FUT9: variants seen among roughly 807,000 people sequenced by gnomAD.
FUT9 encodes the protein 4-galactosyl-N-acetylglucosaminide 3-alpha-L-fucosyltransferase 9.
A neutral mutation model predicts 29.7 loss-of-function variants in FUT9; 15 were observed. The observed-to-expected ratio is 0.51, with a 90% CI of 0.34 to 0.78. The LOEUF (loss-of-function observed/expected upper bound fraction) is 0.78, where lower values mean the gene tolerates loss of function less well. FUT9 is among the 30% of genes least tolerant of loss of function. The pLI is 0.01. For missense variants in FUT9, 319 were observed against 425.4 expected (o/e 0.75, Z 2.20); for synonymous variants, 169 against 153.7 (o/e 1.10, Z -0.74).
chr6:96,078,197 A>G (rs1232728432), intron 1 of FUT9, among the ~76,000 whole-genome samples: 1 of 151,814 alleles, frequency 6.6e-6, no homozygotes, highest in Non-Finnish European at 1.5e-5. Flanking sequence ...AGATTTCCTC[A>G]ACTGTGTTTT....
In FUT9 at chr6:96,207,220, C is replaced by G. The variant is rs76422396; in HGVS notation, c.*2985C>G. 61,038 of 165,710 alleles carry G rather than the reference C, an allele frequency of 0.37. 12,146 individuals carry two copies. The highest frequency in any genetic ancestry group is 0.57 in the South Asian group (2,771 of 4,820). The allele number at this position is 165,710 out of a possible 1,614,324, so 10.3% of individuals were successfully genotyped here. A position where few individuals can be genotyped will look rare whatever the true frequency, so the allele number is the denominator to read the frequency against. ...GAGATATTTATTCAAGACACACATTCACACACACATACACACACACACACA... is the reference window on the plus strand; with the variant it reads ...GAGATATTTATTCAAGACACACATTGACACACACATACACACACACACACA... On this transcript the variant is annotated 3_prime_UTR_variant, in exon 3 of 3. Transcript: ENST00000302103.
rs1287809405 is a variant in FUT9 at position 96,204,218 on chromosome 6, A to G, written c.1063A>G (p.Lys355Glu). 2.1e-6 allele frequency: 3 copies of G among 1,442,806 alleles called. No individual in the cohort carries two copies. The highest frequency in any genetic ancestry group is 2.6e-5 in the Admixed American group (1 of 39,002). 89.4% of individuals were successfully genotyped at this position (1,442,806 alleles called of 1,614,324 possible). Residue 355 changes from lysine to glutamate, a missense_variant, in exon 3 of 3, where the codon AAA (lysine) becomes GAA (glutamate). Transcript: ENST00000302103. Reference protein sequence around the residue: ...QEYKSVGNLEKWFWN With the variant: ...QEYKSVGNLEEWFWN ...ATATAAGTCTGTTGGTAATTTAGAG[A>G]AATGGTTTTGGAATTAAAATTTTTC... is the stretch of plus-strand genomic sequence containing the variant.
chr6:96,174,592 G>T (rs995782268), intron 2 of FUT9, among the ~76,000 whole-genome samples: 2 of 151,976 alleles, frequency 1.3e-5, no homozygotes, highest in Admixed American at 1.3e-4. Flanking sequence ...ATAGACACAG[G>T]GGTCTCTAAA....
intron 1 of FUT9, among the ~76,000 whole-genome samples, chr6:96,051,986 G>T (rs962742825): frequency 1.3e-5 from 2 of 152,074 alleles, no homozygotes; most frequent in African/African-American, 4.8e-5. Context: ...AAGCTGCTAT[G>T]AAGAAATACC....
intron 1 of FUT9, among the ~76,000 whole-genome samples, chr6:96,105,997 C>G (rs1257542120): frequency 6.6e-6 from 1 of 152,140 alleles, no homozygotes; most frequent in Non-Finnish European, 1.5e-5. Context: ...CATTAGTGAT[C>G]TCTAGACTTT....
chr6:96,110,407 G>A (rs1272770286), intron 1 of FUT9, among the ~76,000 whole-genome samples: 1 of 152,080 alleles, frequency 6.6e-6, no homozygotes, highest in East Asian at 1.9e-4. Flanking sequence ...CATGCCACAG[G>A]GCCTCCTTGA....
intron 2 of FUT9, among the ~76,000 whole-genome samples, chr6:96,124,639 T>A (rs1042562344): frequency 1.8e-4 from 27 of 152,206 alleles, no homozygotes; most frequent in Middle Eastern, 6.8e-3. Flanking sequence ...AGTTCTAAAT[T>A]TTTTTCTGAC....
intron 2 of FUT9, among the ~76,000 whole-genome samples, chr6:96,121,595 A>G (rs1242332731): frequency 1.3e-5 from 2 of 152,184 alleles, no homozygotes; most frequent in East Asian, 3.9e-4. Flanking sequence ...TATAAAGTCA[A>G]TTATCGCTCT....
chr6:96,062,217 T>C (rs1016499169), intron 1 of FUT9, among the ~76,000 whole-genome samples: 7 of 151,678 alleles, frequency 4.6e-5, no homozygotes, highest in Admixed American at 1.3e-4. Flanking sequence ...AATCTGAAAA[T>C]ATATATAAAA....
intron 2 of FUT9, among the ~76,000 whole-genome samples, chr6:96,171,736 T>C (rs1306584058): frequency 1.3e-5 from 2 of 152,160 alleles, no homozygotes; most frequent in Admixed American, 6.6e-5. Context: ...AGCAAAACTT[T>C]GAATCCTTCT....
intron 2 of FUT9, among the ~76,000 whole-genome samples, chr6:96,114,589 A>G (rs1275255909): frequency 6.6e-6 from 1 of 151,220 alleles, no homozygotes. Context: ...CCAATAAATC[A>G]TTCTTACATA....
At chr6:96,189,342 T>G (rs984871982) in intron 2 of FUT9, among the ~76,000 whole-genome samples, 1 of 140,274 alleles carries the variant, frequency 7.1e-6, no homozygotes, top group African/African-American at 2.6e-5. Context: ...CAGGGCTCCT[T>G]AAGCTACATG....
intron 1 of FUT9, among the ~76,000 whole-genome samples, chr6:96,023,505 C>T (rs1361915626): frequency 6.6e-6 from 1 of 151,772 alleles, no homozygotes; most frequent in Non-Finnish European, 1.5e-5. Flanking sequence ...TGTTGGTACC[C>T]CTGGGAGTAA....
At chr6:96,021,460 T>G (rs1434852053) in intron 1 of FUT9, among the ~76,000 whole-genome samples, 1 of 152,008 alleles carries the variant, frequency 6.6e-6, no homozygotes, top group African/African-American at 2.4e-5. Flanking sequence ...TTTAAGAAAC[T>G]TAAATCTTCA....
chr6:96,056,923 C>T (rs1340640506), intron 1 of FUT9, among the ~76,000 whole-genome samples: 1 of 152,128 alleles, frequency 6.6e-6, no homozygotes, highest in Non-Finnish European at 1.5e-5. Flanking sequence ...AGAAACCGTA[C>T]TGCAAGTACC....
chr6:96,017,133 A>C (rs1769994695), intron 1 of FUT9, among the ~76,000 whole-genome samples: 1 of 152,210 alleles, frequency 6.6e-6, no homozygotes, highest in African/African-American at 2.4e-5. Flanking sequence ...CTTGAGGATA[A>C]GAAGCTTTTT....
At chr6:96,129,282 AAAAAAAAAAAC>A (rs1488222019) in intron 2 of FUT9, among the ~76,000 whole-genome samples, 2,855 of 116,028 alleles carry the variant, frequency 0.025, 216 homozygotes, top group Non-Finnish European at 0.031. Context: ...AAAAAAAAAA[AAAAAAAAAAAC>A]AAACAACCAG....
intron 2 of FUT9, among the ~76,000 whole-genome samples, chr6:96,133,398 C>T (rs4629693): frequency 0.91 from 137,769 of 151,922 alleles, 63,644 homozygotes; most frequent in East Asian, 0.99. Context: ...AGGAAAACAG[C>T]AGAGAAATCA....
intron 2 of FUT9, among the ~76,000 whole-genome samples, chr6:96,144,256 G>A (rs1772523649): frequency 6.6e-6 from 1 of 152,094 alleles, no homozygotes; most frequent in South Asian, 2.1e-4. Context: ...AACGAATGAT[G>A]GTATTTGTTT....
Sources: allele counts gnomAD v4.1 joint callset (sites outside exome capture counted in the v4.1 genomes callset), GRCh38; gene constraint gnomAD v4.1.1; transcripts MANE v1.5; gene names NCBI Gene and HGNC (gene_info 2026-07-23, HGNC 2026-07-21).